The following FGF1 variants were observed in gnomAD, a reference collection of about 807,000 sequenced individuals.
The protein encoded by FGF1 is fibroblast growth factor 1.
FGF1 carries 9 observed loss-of-function variants against 13.4 expected under a neutral mutation model. The observed-to-expected ratio is 0.67, with a 90% CI of 0.40 to 1.17. FGF1 has a LOEUF of 1.17. Among genes scored for constraint, FGF1 ranks in the 50% most tolerant of loss-of-function variants. FGF1 has a pLI of 0.01. For missense variants in FGF1, 156 were observed against 192.7 expected (o/e 0.81, Z 1.13); for synonymous variants, 93 against 79.0 (o/e 1.18, Z -0.94).
At chr5:142,629,897 T>A (rs10068166) in intron 1 of FGF1, among the ~76,000 whole-genome samples, 17,320 of 108,756 alleles carry the variant, frequency 0.16, 1,073 homozygotes, top group African/African-American at 0.24. Flanking sequence ...ATATATATAT[T>A]TTTTTTTTTT....
intron 2 of FGF1, among the ~76,000 whole-genome samples, chr5:142,696,678 C>T (rs1753159679): frequency 6.6e-6 from 1 of 152,192 alleles, no homozygotes; most frequent in African/African-American, 2.4e-5. Context: ...ATCTAGGCCC[C>T]TGGATCTCAT....
chr5:142,605,356 G>A (rs75034218), intron 2 of FGF1, among the ~76,000 whole-genome samples: 3,470 of 150,430 alleles, frequency 0.023, 102 homozygotes, highest in East Asian at 0.12. Flanking sequence ...CCTGACTTCA[G>A]GCGATCCACC....
intron 2 of FGF1, among the ~76,000 whole-genome samples, chr5:142,696,735 CCTCTT>C (rs1448605513): frequency 1.6e-4 from 24 of 152,288 alleles, no homozygotes; most frequent in African/African-American, 5.5e-4. Flanking sequence ...ATAAAAAAAT[CCTCTT>C]TTTGCCTAAA....
intron 1 of FGF1, among the ~76,000 whole-genome samples, chr5:142,660,052 G>T (rs1174538724): frequency 6.6e-6 from 1 of 152,214 alleles, no homozygotes; most frequent in Non-Finnish European, 1.5e-5. Flanking sequence ...CCATAAACAG[G>T]CCATGGGCAG....
chr5:142,662,331 A>G lies in FGF1; in HGVS notation c.-35+23626T>C, dbSNP rs141725359. Among the ~76,000 whole-genome samples the G allele has an allele frequency of 2.3e-3, 348 of 152,236 alleles. 2 individuals are homozygous for G. Among genetic ancestry groups the G allele is most frequent in the African/African-American group, 7.2e-3 (298 of 41,548 alleles). On this transcript the variant is annotated intron_variant, in intron 1 of 3. Coordinates refer to ENST00000337706, the MANE Select transcript of FGF1 (RefSeq NM_000800.5). ...CACTAATAGTGTCTCTTTTTTCCCAATTTCTTAGCTCTCTTGGAGCAAATG... is the reference window on the plus strand; with the variant it reads ...CACTAATAGTGTCTCTTTTTTCCCAGTTTCTTAGCTCTCTTGGAGCAAATG...
intron 1 of FGF1, among the ~76,000 whole-genome samples, chr5:142,655,336 A>T (rs1767971385): frequency 6.6e-6 from 1 of 152,176 alleles, no homozygotes; most frequent in Non-Finnish European, 1.5e-5. Context: ...CACCATTGAG[A>T]CCTGCTCCCA....
At chr5:142,691,278 C>T (rs1180436233) in intron 2 of FGF1, among the ~76,000 whole-genome samples, 3 of 151,826 alleles carry the variant, frequency 2.0e-5, no homozygotes, top group African/African-American at 7.3e-5. Context: ...AAAAATTAGC[C>T]AGGCATGTTG....
intron 1 of FGF1, among the ~76,000 whole-genome samples, chr5:142,671,578 C>T (rs757000236): frequency 3.3e-5 from 5 of 152,202 alleles, no homozygotes; most frequent in Non-Finnish European, 7.3e-5. Context: ...TTGTCTTTAA[C>T]ACTTAAGACT....
intron 2 of FGF1, among the ~76,000 whole-genome samples, chr5:142,691,343 A>G (rs1415755246): frequency 8.6e-5 from 13 of 151,630 alleles, no homozygotes; most frequent in African/African-American, 2.9e-4. Context: ...AATCACTTGA[A>G]CCCGGGAGGT....
At chr5:142,676,919 A>AAAT (rs1772726081) in intron 1 of FGF1, among the ~76,000 whole-genome samples, 1 of 151,634 alleles carries the variant, frequency 6.6e-6, no homozygotes, top group East Asian at 1.9e-4. Flanking sequence ...ACAAAAAACA[A>AAAT]AACAACAACA....
At chr5:142,684,926 A>G (rs1257968449) in intron 1 of FGF1, among the ~76,000 whole-genome samples, 1 of 152,088 alleles carries the variant, frequency 6.6e-6, no homozygotes, top group Non-Finnish European at 1.5e-5. Flanking sequence ...ACCAGTGCAG[A>G]AAGGAGGGAG....
At chr5:142,689,743 A>G (rs781731473), upstream of FGF1, among the ~76,000 whole-genome samples, 1 of 124,178 alleles carries the variant, frequency 8.1e-6, no homozygotes, top group African/African-American at 3.1e-5. Flanking sequence ...TCTGTCGCCC[A>G]GGCTGGAGTG....
At chr5:142,618,138 G>A (rs896012412) in intron 1 of FGF1, among the ~76,000 whole-genome samples, 3 of 152,160 alleles carry the variant, frequency 2.0e-5, no homozygotes, top group African/African-American at 7.2e-5. Flanking sequence ...CATTGTGCAC[G>A]AAGCCTAGCC....
chr5:142,661,871 C>T (rs945402535), intron 1 of FGF1, among the ~76,000 whole-genome samples: 15 of 152,140 alleles, frequency 9.9e-5, no homozygotes, highest in Admixed American at 3.9e-4. Context: ...GGCATGGTGG[C>T]GGTTGCCTGT....
chr5:142,664,553 C>T (rs186818295), intron 1 of FGF1, among the ~76,000 whole-genome samples: 1 of 152,290 alleles, frequency 6.6e-6, no homozygotes, highest in Admixed American at 6.5e-5. Flanking sequence ...AAAATCAGGC[C>T]GTGCAACATT....
intron 1 of FGF1, among the ~76,000 whole-genome samples, chr5:142,645,871 C>A (rs1036171237): frequency 6.6e-6 from 1 of 152,170 alleles, no homozygotes; most frequent in African/African-American, 2.4e-5. Context: ...CTGCTCATTT[C>A]TATCTTGTCT....
intron 3 of FGF1, among the ~76,000 whole-genome samples, chr5:142,597,827 C>T (rs548088969): frequency 6.6e-6 from 1 of 152,282 alleles, no homozygotes; most frequent in East Asian, 1.9e-4. Flanking sequence ...CTCCATCCCC[C>T]AGACACAGAG....
intron 2 of FGF1, among the ~76,000 whole-genome samples, chr5:142,693,184 G>T (rs1752511845): frequency 6.6e-6 from 1 of 152,208 alleles, no homozygotes; most frequent in African/African-American, 2.4e-5. Flanking sequence ...TATGGGACAA[G>T]ACAAGCTTCT....
chr5:142,622,507 T>C (rs1257955563), intron 1 of FGF1, among the ~76,000 whole-genome samples: 2 of 152,220 alleles, frequency 1.3e-5, no homozygotes, highest in African/African-American at 4.8e-5. Context: ...GCTCAAACCC[T>C]GTCCTCATCT....
Sources: gnomAD v4.1 joint callset for allele counts (sites outside exome capture counted in the v4.1 genomes callset) on GRCh38, gnomAD v4.1.1 for gene constraint, MANE v1.5 for transcripts, NCBI Gene and HGNC (gene_info 2026-07-23, HGNC 2026-07-21) for gene names.